The following INPP4B variants were observed in gnomAD, a reference collection of about 807,000 sequenced individuals.
INPP4B encodes the protein inositol polyphosphate 4-phosphatase type II.
Under a neutral mutation model 122.5 loss-of-function variants are expected in INPP4B, and 55 were observed. The ratio of observed to expected loss-of-function variants is 0.45; its 90% CI spans 0.36 to 0.56. The LOEUF (loss-of-function observed/expected upper bound fraction) is 0.56, where lower values mean the gene tolerates loss of function less well. Among genes scored for constraint, INPP4B ranks in the 20% least tolerant of loss-of-function variants. The pLI is 0.00. For synonymous variants in INPP4B, 403 were observed against 388.7 expected, an observed-to-expected ratio of 1.04 and a Z score of -0.43; for missense variants, 1,000 against 1,097.7, an observed-to-expected ratio of 0.91 and a Z score of 1.26.
At chr4:142,327,052 T>TA (rs1772642681) in intron 7 of INPP4B, among the ~76,000 whole-genome samples, 1 of 152,126 alleles carries the variant, frequency 6.6e-6, no homozygotes, top group African/African-American at 2.4e-5. Flanking sequence ...ATTAGAGTTT[T>TA]AAAAAGCAAA....
chr4:142,724,755 T>G (rs1235034526), intron 2 of INPP4B, among the ~76,000 whole-genome samples: 1 of 152,130 alleles, frequency 6.6e-6, no homozygotes, highest in Non-Finnish European at 1.5e-5. Context: ...TGTAGAAATA[T>G]ATCACATTTG....
rs144843537 is a variant in INPP4B at position 142,505,286 on chromosome 4, T to C, written c.-190-42560A>G. ...CTGTGCAAGTATGCAAAATTATGTG[T>C]GTGAATATAATTACATATGTGAATA... On this transcript the variant is annotated intron_variant, in intron 2 of 25. Coordinates refer to ENST00000262992, the MANE Select transcript of INPP4B (RefSeq NM_001101669.3). Among the ~76,000 whole-genome samples, 675 of 151,790 alleles carry C rather than the reference T, an allele frequency of 4.4e-3. 5 individuals carry two copies. The highest frequency in any genetic ancestry group is 0.016 in the African/African-American group (648 of 41,418).
intron 2 of INPP4B, among the ~76,000 whole-genome samples, chr4:142,529,643 C>T (rs2149977080): frequency 6.6e-6 from 1 of 151,964 alleles, no homozygotes; most frequent in South Asian, 2.1e-4. Context: ...TATCCATAAA[C>T]AAAAGCTTTT....
intron 21 of INPP4B, among the ~76,000 whole-genome samples, chr4:142,117,121 G>A (rs1412387623): frequency 6.6e-6 from 1 of 152,066 alleles, no homozygotes; most frequent in Admixed American, 6.6e-5. Context: ...GGAAGAAGTT[G>A]AATCCCTGAA....
chr4:142,173,835 T>C (rs1332388555), intron 15 of INPP4B, 26 bp from the exon 16 acceptor site: 1 of 1,579,640 alleles, frequency 6.3e-7, no homozygotes, highest in Non-Finnish European at 8.7e-7. Context: ...TAAAAATAAG[T>C]TACACAAACA....
intron 7 of INPP4B, among the ~76,000 whole-genome samples, chr4:142,337,601 G>T (rs961750887): frequency 6.8e-6 from 1 of 147,066 alleles, no homozygotes; most frequent in Non-Finnish European, 1.5e-5. Flanking sequence ...GCAAAGTGCT[G>T]GTTCAAATGT....
chr4:142,327,984 G>A (rs1208675211), intron 7 of INPP4B, among the ~76,000 whole-genome samples: 1 of 152,020 alleles, frequency 6.6e-6, no homozygotes, highest in African/African-American at 2.4e-5. Flanking sequence ...GCTACACAAA[G>A]ACTGCGGAGG....
At chr4:142,478,903 A>G (rs1820147069) in intron 2 of INPP4B, among the ~76,000 whole-genome samples, 1 of 152,076 alleles carries the variant, frequency 6.6e-6, no homozygotes, top group Admixed American at 6.6e-5. Flanking sequence ...CCTGGAGGAT[A>G]ACCAGCAAGG....
chr4:142,109,318 T>G (rs774775159), intron 22 of INPP4B, among the ~76,000 whole-genome samples: 6 of 152,168 alleles, frequency 3.9e-5, no homozygotes, highest in Admixed American at 6.6e-5. Flanking sequence ...AATTCATCTA[T>G]ACAAAAAATA....
At chr4:142,099,187 G>A (rs185452037) in intron 23 of INPP4B, among the ~76,000 whole-genome samples, 59 of 152,186 alleles carry the variant, frequency 3.9e-4, no homozygotes, top group Non-Finnish European at 5.7e-4. Flanking sequence ...GAAAAAATGG[G>A]TGGTGAAAAA....
intron 12 of INPP4B, among the ~76,000 whole-genome samples, chr4:142,220,242 A>C (rs1036148590): frequency 1.3e-5 from 2 of 152,184 alleles, no homozygotes; most frequent in Non-Finnish European, 2.9e-5. Flanking sequence ...GTCTCTGAAC[A>C]GAAGGACAAG....
intron 2 of INPP4B, among the ~76,000 whole-genome samples, chr4:142,466,444 T>C (rs1052084091): frequency 6.6e-6 from 1 of 152,164 alleles, no homozygotes; most frequent in Non-Finnish European, 1.5e-5. Flanking sequence ...AGCAAAGCAT[T>C]CAATATGTGA....
chr4:142,649,443 C>T (rs1752475207), intron 2 of INPP4B, among the ~76,000 whole-genome samples: 1 of 152,130 alleles, frequency 6.6e-6, no homozygotes. Flanking sequence ...GAAGCATGTC[C>T]AAACCCATTG....
At chr4:142,043,861 G>A (rs1485904827) in intron 25 of INPP4B, among the ~76,000 whole-genome samples, 1 of 152,114 alleles carries the variant, frequency 6.6e-6, no homozygotes, top group East Asian at 1.9e-4. Flanking sequence ...TTGTAGGATG[G>A]CACCTAGCAT....
chr4:142,797,459 G>T (rs114703645), intron 1 of INPP4B, among the ~76,000 whole-genome samples: 1 of 151,938 alleles, frequency 6.6e-6, no homozygotes, highest in African/African-American at 2.4e-5. Context: ...GCAAAAAGGC[G>T]AAGAGAAGAG....
chr4:142,298,876 C>G (rs1258098878), intron 9 of INPP4B, among the ~76,000 whole-genome samples: 1 of 151,974 alleles, frequency 6.6e-6, no homozygotes, highest in Non-Finnish European at 1.5e-5. Flanking sequence ...GAAATAAAAT[C>G]ATTTTTATGC....
rs546666261 is a variant in INPP4B at position 142,370,920 on chromosome 4, A to G, written c.372+32018T>C. ...ATACCAAGACATTCCTCATAGAAGT[A>G]GAAAAAGATAAAACCTAAAACTCAT... On this transcript the variant is annotated intron_variant, in intron 7 of 25. Coordinates refer to ENST00000262992, the MANE Select transcript of INPP4B (RefSeq NM_001101669.3). Among the ~76,000 whole-genome samples, 286 of 152,266 alleles carry G rather than the reference A, an allele frequency of 1.9e-3. 3 individuals are homozygous for G. Among genetic ancestry groups the G allele is most frequent in the Non-Finnish European group, 1.6e-3 (109 of 68,012 alleles).
At chr4:142,289,560 C>T (rs1365756238) in intron 9 of INPP4B, among the ~76,000 whole-genome samples, 2 of 152,124 alleles carry the variant, frequency 1.3e-5, no homozygotes, top group Non-Finnish European at 2.9e-5. Context: ...GGACAGGCCC[C>T]GTGTGTGTTG....
intron 2 of INPP4B, among the ~76,000 whole-genome samples, chr4:142,537,435 G>T (rs371971037): frequency 0.081 from 3,078 of 37,776 alleles, 53 homozygotes; most frequent in Non-Finnish European, 0.096. Context: ...TATATAGAGA[G>T]AGAGAGAGAG....
Sources: gnomAD v4.1 joint callset for allele counts (sites outside exome capture counted in the v4.1 genomes callset) on GRCh38, gnomAD v4.1.1 for gene constraint, MANE v1.5 for transcripts, NCBI Gene and HGNC (gene_info 2026-07-23, HGNC 2026-07-21) for gene names.